HDAC9: variants seen among roughly 807,000 people sequenced by gnomAD.
HDAC9 encodes the protein histone deacetylase 9.
In HDAC9, 41 loss-of-function variants were observed where a neutral mutation model predicts 139.4. The observed-to-expected ratio is 0.29, with a 90% confidence interval of 0.23 to 0.38. HDAC9 has a LOEUF of 0.38. Ranked by LOEUF, HDAC9 falls within the 10% of genes least tolerant of loss-of-function variation. The probability of loss-of-function intolerance (pLI) is 1.00; values close to 1 mark genes in which losing one functional copy is unlikely to be tolerated. For synonymous variants in HDAC9, 517 were observed against 476.2 expected (o/e 1.09, Z -1.12); for missense variants, 1,147 against 1,297.0 (o/e 0.88, Z 1.78).
chr7:18,328,789 C>T (rs759309430), intron 1 of HDAC9, among the ~76,000 whole-genome samples: 16 of 151,818 alleles, frequency 1.1e-4, no homozygotes, highest in African/African-American at 3.9e-4. Flanking sequence ...TGTCCTTGTC[C>T]GGCTCTGGTA....
rs560189118 is a variant in HDAC9 at position 18,418,503 on chromosome 7, G to A, written c.-41-77759G>A. Among the ~76,000 whole-genome samples the A allele has an allele frequency of 2.6e-5, 4 of 151,642 alleles. No individual in the cohort carries two copies. The South Asian group carries it at 8.3e-4, about 32-fold the overall frequency. ...AAGATAATGAAATAGTATGATTGTG[G>A]GTAATTTAATAGATTGTGGAAGTGT... On this transcript the variant is annotated intron_variant, in intron 1 of 3. Transcript: ENST00000413509.
At chr7:18,145,981 AG>A (rs1786290695) in intron 1 of HDAC9, among the ~76,000 whole-genome samples, 1 of 152,204 alleles carries the variant, frequency 6.6e-6, no homozygotes, top group African/African-American at 2.4e-5. Context: ...CTCTGGAAAA[AG>A]GGCACATAGC....
At chr7:18,870,503 G>A (rs1000923740) in intron 21 of HDAC9, among the ~76,000 whole-genome samples, 1 of 152,076 alleles carries the variant, frequency 6.6e-6, no homozygotes, top group African/African-American at 2.4e-5. Flanking sequence ...ATGCTGATAT[G>A]TCCAATCATA....
chr7:18,677,208 A>G (rs1781574039), intron 12 of HDAC9, among the ~76,000 whole-genome samples: 2 of 151,924 alleles, frequency 1.3e-5, no homozygotes, highest in Admixed American at 6.6e-5. Flanking sequence ...TTATTTTTCT[A>G]GAAGTTCATT....
intron 25 of HDAC9, among the ~76,000 whole-genome samples, chr7:18,981,755 T>C (rs534938094): frequency 1.3e-5 from 2 of 152,308 alleles, no homozygotes; most frequent in African/African-American, 4.8e-5. Flanking sequence ...TTTCTCCACC[T>C]TATCACCCCT....
At chr7:18,993,687 C>T (rs1259365021) in intron 25 of HDAC9, among the ~76,000 whole-genome samples, 4 of 151,982 alleles carry the variant, frequency 2.6e-5, no homozygotes, top group African/African-American at 9.7e-5. Flanking sequence ...CCTGTAGTCT[C>T]AGCTATTCGG....
intron 1 of HDAC9, among the ~76,000 whole-genome samples, chr7:18,407,983 T>C (rs147252146): frequency 6.6e-6 from 1 of 152,164 alleles, no homozygotes; most frequent in African/African-American, 2.4e-5. Flanking sequence ...CATATTCAAT[T>C]GTGTGTCGAT....
intron 1 of HDAC9, among the ~76,000 whole-genome samples, chr7:18,386,610 C>A (rs552373319): frequency 6.6e-6 from 1 of 152,160 alleles, no homozygotes; most frequent in South Asian, 2.1e-4. Context: ...ACAAGAACAT[C>A]GCATGTAACA....
At chr7:18,620,605 C>T (rs1474790773) in intron 6 of HDAC9, among the ~76,000 whole-genome samples, 1 of 151,756 alleles carries the variant, frequency 6.6e-6, no homozygotes, top group African/African-American at 2.4e-5. Context: ...CTGAGTTTCA[C>T]CTGAGCCAGC....
intron 17 of HDAC9, among the ~76,000 whole-genome samples, chr7:18,821,187 T>C (rs1005374177): frequency 2.0e-5 from 3 of 152,220 alleles, no homozygotes; most frequent in Admixed American, 1.3e-4. Context: ...CGATTTATGA[T>C]AGGAAATGCT....
intron 1 of HDAC9, among the ~76,000 whole-genome samples, chr7:18,132,436 G>T (rs1384876792): frequency 6.6e-6 from 1 of 151,970 alleles, no homozygotes; most frequent in East Asian, 1.9e-4. Context: ...CAGGGCCTTT[G>T]TCTCACTCTG....
At chr7:18,901,628 T>A (rs1393186578) in intron 22 of HDAC9, among the ~76,000 whole-genome samples, 1 of 152,192 alleles carries the variant, frequency 6.6e-6, no homozygotes, top group Non-Finnish European at 1.5e-5. Context: ...TTAACCTCAT[T>A]GTATAGTATG....
chr7:18,197,436 A>G (rs975998077), intron 2 of HDAC9, among the ~76,000 whole-genome samples: 1 of 152,176 alleles, frequency 6.6e-6, no homozygotes, highest in Admixed American at 6.6e-5. Context: ...GTGATATTGG[A>G]GATTCAAGTT....
chr7:18,294,470 T>C (rs376895655), intron 1 of HDAC9, among the ~76,000 whole-genome samples: 30 of 152,294 alleles, frequency 2.0e-4, no homozygotes, highest in African/African-American at 7.2e-4. Context: ...AAGTTAACTT[T>C]AAACAACCTG....
chr7:18,719,232 C>G (rs1230277221), intron 12 of HDAC9, among the ~76,000 whole-genome samples: 3 of 150,842 alleles, frequency 2.0e-5, no homozygotes, highest in Non-Finnish European at 2.9e-5. Context: ...GATATTTTCT[C>G]TAACTTGTGG....
In HDAC9 at chr7:18,950,273, C is replaced by A. The variant is rs947472008; in HGVS notation, c.2938-3873C>A. On this transcript the variant is annotated intron_variant, in intron 23 of 25. Transcript: ENST00000686413. Reference sequence around the variant, plus strand: ...TCTTTGTTTCTTTTGCATTTCCCTGCATTTCTGATCTATAGAAATATCTGC... The same window carrying A: ...TCTTTGTTTCTTTTGCATTTCCCTGAATTTCTGATCTATAGAAATATCTGC... Among the ~76,000 whole-genome samples the A allele has an allele frequency of 3.3e-5, 5 of 152,072 alleles. No individual in the cohort carries two copies. The East Asian group carries it at 9.6e-4, about 29-fold the overall frequency.
At chr7:18,361,973 A>G (rs1377996672) in intron 1 of HDAC9, among the ~76,000 whole-genome samples, 1 of 152,166 alleles carries the variant, frequency 6.6e-6, no homozygotes, top group Non-Finnish European at 1.5e-5. Context: ...TCTTGGTTCA[A>G]GGACAAGTGC....
In HDAC9 at chr7:18,855,760, G is replaced by T. The variant is rs560686912; in HGVS notation, c.2685-18718G>T. ...GAGAAGGGATTCTTAGCCAAATCCA[G>T]GTCAAGCTGTCTAACCAAACGGTAG... is the stretch of plus-strand genomic sequence containing the variant. On this transcript the variant is annotated intron_variant, in intron 21 of 25. Coordinates refer to ENST00000686413, the MANE Select transcript of HDAC9 (RefSeq NM_178425.4). Among the ~76,000 whole-genome samples the T allele has an allele frequency of 1.3e-4, 20 of 152,136 alleles. No homozygotes were observed. In the South Asian group the frequency reaches 4.1e-3, roughly 31 times the overall value.
At chr7:18,977,919 G>GACACAC (rs147049392) in intron 25 of HDAC9, among the ~76,000 whole-genome samples, 4,159 of 140,946 alleles carry the variant, frequency 0.03, 81 homozygotes, top group East Asian at 0.044. Context: ...CAGACAGACA[G>GACACAC]ACACACACAC....
Sources: gnomAD v4.1 joint callset for allele counts (sites outside exome capture counted in the v4.1 genomes callset) on GRCh38, gnomAD v4.1.1 for gene constraint, MANE v1.5 for transcripts, NCBI Gene and HGNC (gene_info 2026-07-23, HGNC 2026-07-21) for gene names.